The following KCNN2 variants were observed in gnomAD, a reference collection of about 807,000 sequenced individuals.
The protein encoded by KCNN2 is potassium calcium-activated channel subfamily N member 2.
KCNN2 carries 24 observed loss-of-function variants against 55.5 expected under a neutral mutation model. The ratio of observed to expected loss-of-function variants is 0.43; its 90% CI spans 0.31 to 0.61. The LOEUF (loss-of-function observed/expected upper bound fraction) is 0.61. Among genes scored for constraint, KCNN2 ranks in the 20% least tolerant of loss-of-function variants. The pLI, the probability that KCNN2 is intolerant of heterozygous loss-of-function variation, is 0.08. For synonymous variants in KCNN2, 431 were observed against 336.1 expected (o/e 1.28, Z -3.09); for missense variants, 754 against 853.6 (o/e 0.88, Z 1.45).
intron 2 of KCNN2, among the ~76,000 whole-genome samples, chr5:114,227,097 T>G (rs1198485799): frequency 6.6e-6 from 1 of 152,194 alleles, no homozygotes; most frequent in Non-Finnish European, 1.5e-5. Context: ...TTCTTATTAC[T>G]GTCTGAAAAG....
chr5:114,078,439 A>G (rs1750729247), intron 1 of KCNN2, among the ~76,000 whole-genome samples: 1 of 152,134 alleles, frequency 6.6e-6, no homozygotes, highest in Non-Finnish European at 1.5e-5. Context: ...GTCTTGTGTC[A>G]TCATCGAGTA....
At chr5:114,306,672 TC>T (rs1226417177) in intron 2 of KCNN2, among the ~76,000 whole-genome samples, 1 of 150,964 alleles carries the variant, frequency 6.6e-6, no homozygotes, top group Non-Finnish European at 1.5e-5. Context: ...CCACCTTTCA[TC>T]AGTTCACACT....
chr5:114,103,307 G>A (rs1018417217), intron 1 of KCNN2, among the ~76,000 whole-genome samples: 3 of 152,014 alleles, frequency 2.0e-5, no homozygotes, highest in Admixed American at 6.6e-5. Flanking sequence ...GTTGCTTATC[G>A]GCTTAAGAAG....
Position 114,473,043 on chromosome 5 carries a change from C to T in KCNN2, c.1780-11C>T. ...TAATGCTTTGGGTTTCTCTTCTCTC[C>T]TTGTTTTCAGGGTGCTGGTTGCACA... On this transcript the variant is annotated splice_polypyrimidine_tract_variant and intron_variant, in intron 4 of 7. Coordinates refer to ENST00000673685, the MANE Select transcript of KCNN2 (RefSeq NM_021614.4). 1 of 1,571,698 alleles carries T rather than the reference C, an allele frequency of 6.4e-7. No homozygotes were observed. Among genetic ancestry groups the T allele is most frequent in the Non-Finnish European group, 8.7e-7 (1 of 1,148,588 alleles).
intron 5 of KCNN2, among the ~76,000 whole-genome samples, chr5:114,481,703 A>T (rs1762237744): frequency 6.6e-6 from 1 of 152,120 alleles, no homozygotes; most frequent in Non-Finnish European, 1.5e-5. Context: ...ACAGACACAT[A>T]GACCAATGGA....
chr5:114,061,483 T>C (rs1750328973), intron 1 of KCNN2, among the ~76,000 whole-genome samples: 1 of 152,132 alleles, frequency 6.6e-6, no homozygotes, highest in African/African-American at 2.4e-5. Flanking sequence ...AGCAGATGCC[T>C]CTATAACGAA....
intron 5 of KCNN2, chr5:114,486,709 T>C: frequency 1.6e-6 from 2 of 1,286,068 alleles, no homozygotes; most frequent in Non-Finnish European, 2.0e-6. Context: ...GAAAGGAAGA[T>C]CATGGAGACA....
At chr5:114,352,537 A>G (rs1757227565) in intron 2 of KCNN2, among the ~76,000 whole-genome samples, 1 of 86,890 alleles carries the variant, frequency 1.2e-5, no homozygotes, top group South Asian at 4.5e-4. Context: ...GAAATATTTC[A>G]TCTTTTTCCA....
At chr5:114,288,509 C>T (rs1225971800) in intron 2 of KCNN2, among the ~76,000 whole-genome samples, 6,145 of 151,152 alleles carry the variant, frequency 0.041, 430 homozygotes, top group African/African-American at 0.14. Flanking sequence ...TACACACACA[C>T]ACACACACAC....
chr5:114,492,411 T>C (rs952765917), intron 6 of KCNN2, among the ~76,000 whole-genome samples: 2 of 152,172 alleles, frequency 1.3e-5, no homozygotes, highest in South Asian at 2.1e-4. Flanking sequence ...TTTGTTTGTT[T>C]TCATTAAATA....
rs75034904 is a variant in KCNN2, at chr5:114,123,666, T to C, written c.-271+67166T>C. 5.9e-3 allele frequency among the ~76,000 whole-genome samples: 898 copies of C among 151,628 alleles called. 248 individuals carry two copies. The highest frequency in any genetic ancestry group is 0.021 in the African/African-American group (859 of 41,088). On this transcript the variant is annotated intron_variant, in intron 1 of 10. Coordinates refer to the KCNN2 transcript ENST00000512097. ...GCGTGAGCCACCGCGCCCGGCCTCA[T>C]TTTCTTAATTTTTTTGTCAGATCAA...
chr5:114,257,620 G>T (rs1755010380), intron 2 of KCNN2, among the ~76,000 whole-genome samples: 1 of 152,024 alleles, frequency 6.6e-6, no homozygotes, highest in Non-Finnish European at 1.5e-5. Context: ...TATTGTAAAT[G>T]GGATTGACTT....
intron 2 of KCNN2, among the ~76,000 whole-genome samples, chr5:114,334,480 C>G (rs1417426380): frequency 6.6e-6 from 1 of 151,956 alleles, no homozygotes; most frequent in African/African-American, 2.4e-5. Flanking sequence ...GATATATATA[C>G]ACACATATAT....
intron 2 of KCNN2, among the ~76,000 whole-genome samples, chr5:114,336,930 G>C (rs1050265168): frequency 5.9e-5 from 9 of 152,170 alleles, no homozygotes; most frequent in Admixed American, 3.3e-4. Flanking sequence ...AGAACTTTCT[G>C]GGCCATGGTA....
intron 1 of KCNN2, among the ~76,000 whole-genome samples, chr5:114,121,658 T>A (rs1751832142): frequency 6.6e-6 from 1 of 152,206 alleles, no homozygotes; most frequent in Non-Finnish European, 1.5e-5. Context: ...TGGCTGCACC[T>A]ATTTCCTCAT....
At chr5:114,437,009 G>GT in intron 3 of KCNN2, among the ~76,000 whole-genome samples, 1 of 151,974 alleles carries the variant, frequency 6.6e-6, no homozygotes, top group East Asian at 1.9e-4. Context: ...TTTGTGGGTT[G>GT]TTTTTTTCTT....
intron 1 of KCNN2, among the ~76,000 whole-genome samples, chr5:114,104,644 G>T (rs1751442555): frequency 6.6e-6 from 1 of 151,948 alleles, no homozygotes; most frequent in South Asian, 2.1e-4. Flanking sequence ...TTATAGAAAA[G>T]AAAAAATACA....
chr5:114,224,344 T>A (rs1244449026), intron 2 of KCNN2, among the ~76,000 whole-genome samples: 1 of 152,212 alleles, frequency 6.6e-6, no homozygotes, highest in Non-Finnish European at 1.5e-5. Flanking sequence ...AAAGTAACCA[T>A]TTTTTAGAAA....
intron 7 of KCNN2, 80 bp from the exon 8 acceptor site, chr5:114,495,815 C>G: frequency 7.4e-7 from 1 of 1,347,756 alleles, no homozygotes; most frequent in Non-Finnish European, 1.0e-6. Flanking sequence ...CAGCAAGAGA[C>G]CAGAGCTAAA....
Sources: gnomAD v4.1 joint callset for allele counts (sites outside exome capture counted in the v4.1 genomes callset) on GRCh38, gnomAD v4.1.1 for gene constraint, MANE v1.5 for transcripts, NCBI Gene and HGNC (gene_info 2026-07-23, HGNC 2026-07-21) for gene names.